Variants in TMIGD2 observed in about 807,000 individuals in gnomAD.
TMIGD2 encodes the protein transmembrane and immunoglobulin domain containing 2.
Under a neutral mutation model 22.6 loss-of-function variants are expected in TMIGD2, and 18 were observed. The ratio of observed to expected loss-of-function variants is 0.80; its 90% CI spans 0.55 to 1.18. The LOEUF (loss-of-function observed/expected upper bound fraction) is 1.18, where lower values mean the gene tolerates loss of function less well. Ranked by LOEUF, TMIGD2 falls within the 50% of genes most tolerant of loss-of-function variation. The pLI, the probability that TMIGD2 is intolerant of heterozygous loss-of-function variation, is 0.00. For missense variants in TMIGD2, 361 were observed against 378.2 expected, an observed-to-expected ratio of 0.95 and a Z score of 0.38; for synonymous variants, 184 against 154.1, an observed-to-expected ratio of 1.19 and a Z score of -1.44.
At chr19:4,301,627 G>A (rs1045297306) in intron 1 of TMIGD2, among the ~76,000 whole-genome samples, 2 of 152,178 alleles carry the variant, frequency 1.3e-5, no homozygotes, top group African/African-American at 2.4e-5. Context: ...CCGAGATCGC[G>A]TCACTGCACT....
At chr19:4,292,864 A>T (rs552216495) in exon 5 of TMIGD2, 1 of 1,613,668 alleles carries the variant, frequency 6.2e-7, no homozygotes, top group Non-Finnish European at 8.5e-7. Context: ...CCGGTATAGG[A>T]CGTTGCTGTA....
exon 5 of TMIGD2, chr19:4,292,692 G>A (rs760946706): frequency 1.2e-4 from 197 of 1,602,514 alleles, no homozygotes; most frequent in Non-Finnish European, 1.6e-4. Context: ...CGGGGTGGCC[G>A]GGCCTGGGGC....
chr19:4,296,755 G>C (rs984753166), intron 2 of TMIGD2, among the ~76,000 whole-genome samples: 1 of 152,198 alleles, frequency 6.6e-6, no homozygotes, highest in African/African-American at 2.4e-5. Flanking sequence ...AGAGGAACAG[G>C]CATCTCTAGG....
At position 4,294,440 on chromosome 19, in the gene TMIGD2, G is replaced by A; in HGVS notation, c.562+127C>T. 9.0e-6 allele frequency: 7 copies of A among 780,718 alleles called. No homozygotes were observed. In the South Asian group the frequency reaches 1.1e-4, roughly 13 times the overall value. 48.4% of individuals were successfully genotyped at this position (780,718 alleles called of 1,614,324 possible). On this transcript the variant is annotated intron_variant, in intron 4 of 4. Transcript: ENST00000301272. Reference sequence around the variant, plus strand: ...TCTATTTCTGAAAAACATGAGCATAGGATATAGGAGCCAGGCTTCTCCTCC... The same window carrying A: ...TCTATTTCTGAAAAACATGAGCATAAGATATAGGAGCCAGGCTTCTCCTCC...
At chr19:4,297,948 TC>T in intron 2 of TMIGD2, 37 bp downstream of exon 2, 1 of 1,513,396 alleles carries the variant, frequency 6.6e-7, no homozygotes, top group Middle Eastern at 1.8e-4. Context: ...TCTAGGATCC[TC>T]CCCACTGCCC....
intron 2 of TMIGD2, among the ~76,000 whole-genome samples, chr19:4,297,074 C>CT (rs71166981): frequency 0.32 from 33,771 of 105,178 alleles, 6,953 homozygotes; most frequent in South Asian, 0.45. Flanking sequence ...GAGTCTGTGG[C>CT]TTTTTTTTTT....
intron 1 of TMIGD2, 127 bp downstream of exon 1, chr19:4,302,213 C>T (rs764225942): frequency 1.7e-5 from 17 of 997,930 alleles, no homozygotes; most frequent in African/African-American, 5.0e-5. Context: ...TTCTGAGTCT[C>T]GGAGGGAGAT....
At position 4,298,583 on chromosome 19, in the gene TMIGD2, T is replaced by A. The variant is rs541482139; in HGVS notation, c.47-238A>T. Among the ~76,000 whole-genome samples, 7 of 152,150 alleles carry A rather than the reference T, an allele frequency of 4.6e-5. No homozygotes were observed. The South Asian group carries it at 1.0e-3, about 23-fold the overall frequency. On this transcript the variant is annotated intron_variant, in intron 1 of 4. Transcript: ENST00000301272. ...AGACCTCATCTCTACAATAAATATTTAAAAAGTAGCTGGGTATGGTGGCGT... is the reference window on the plus strand; with the variant it reads ...AGACCTCATCTCTACAATAAATATTAAAAAAGTAGCTGGGTATGGTGGCGT...
chr19:4,292,696 C>T (rs1488853556), exon 5 of TMIGD2: 6 of 1,603,272 alleles, frequency 3.7e-6, no homozygotes, highest in Non-Finnish European at 5.1e-6. Flanking sequence ...GTGGCCGGGC[C>T]TGGGGCTGGG....
At chr19:4,296,304 A>T (rs1241884708) in intron 2 of TMIGD2, among the ~76,000 whole-genome samples, 1 of 152,196 alleles carries the variant, frequency 6.6e-6, no homozygotes, top group Non-Finnish European at 1.5e-5. Context: ...CAGCAGAGGG[A>T]ACTGGCACAG....
chr19:4,292,820 A>G, exon 5 of TMIGD2: 1 of 1,613,732 alleles, frequency 6.2e-7, no homozygotes, highest in Non-Finnish European at 8.5e-7. Flanking sequence ...CCCTCTCCAG[A>G]GCAGTCCTCA....
chr19:4,302,379 A>T, exon 1 of TMIGD2: 1 of 1,565,844 alleles, frequency 6.4e-7, no homozygotes, highest in Non-Finnish European at 8.7e-7. Context: ...ATGCCCGGGG[A>T]CCCCATTCCT....
At chr19:4,294,369 T>C (rs1027009489) in intron 4 of TMIGD2, among the ~76,000 whole-genome samples, 1 of 152,198 alleles carries the variant, frequency 6.6e-6, no homozygotes, top group Non-Finnish European at 1.5e-5. Flanking sequence ...GTAATTTTTT[T>C]GTAGAGATGG....
chr19:4,297,361 G>A (rs562870651), intron 2 of TMIGD2, among the ~76,000 whole-genome samples: 3 of 151,112 alleles, frequency 2.0e-5, no homozygotes, highest in South Asian at 2.1e-4. Flanking sequence ...GAGCTACCGC[G>A]CCCAGCTGAT....
At chr19:4,301,947 G>A (rs1971541847) in intron 1 of TMIGD2, among the ~76,000 whole-genome samples, 1 of 152,208 alleles carries the variant, frequency 6.6e-6, no homozygotes, top group Non-Finnish European at 1.5e-5. Context: ...GCAGAGGAGG[G>A]TAGAGACATG....
chr19:4,299,270 A>G (rs1971503884), intron 1 of TMIGD2, among the ~76,000 whole-genome samples: 2 of 151,378 alleles, frequency 1.3e-5, no homozygotes, highest in South Asian at 4.2e-4. Flanking sequence ...TCAGCCTCCC[A>G]AGTAGCTGGG....
At chr19:4,296,247 C>T (rs1395878868) in intron 2 of TMIGD2, among the ~76,000 whole-genome samples, 2 of 152,138 alleles carry the variant, frequency 1.3e-5, no homozygotes, top group Non-Finnish European at 2.9e-5. Flanking sequence ...TATAACTGCT[C>T]TAAAGTCACC....
At chr19:4,295,763 G>A (rs925070482) in intron 2 of TMIGD2, among the ~76,000 whole-genome samples, 9 of 152,214 alleles carry the variant, frequency 5.9e-5, no homozygotes, top group African/African-American at 2.2e-4. Flanking sequence ...CCGAGGCTCA[G>A]AGAGCCTAAG....
chr19:4,299,300 T>A (rs1210180858), intron 1 of TMIGD2, among the ~76,000 whole-genome samples: 1 of 151,714 alleles, frequency 6.6e-6, no homozygotes, highest in Non-Finnish European at 1.5e-5. Context: ...ATGTAACCAC[T>A]ATGCCTGGCT....
Sources: gnomAD v4.1 joint callset for allele counts (sites outside exome capture counted in the v4.1 genomes callset) on GRCh38, gnomAD v4.1.1 for gene constraint, MANE v1.5 for transcripts, NCBI Gene and HGNC (gene_info 2026-07-23, HGNC 2026-07-21) for gene names.